Variants in PPP2R2C observed in about 807,000 individuals in gnomAD.
The protein encoded by PPP2R2C is protein phosphatase 2 regulatory subunit Bgamma.
PPP2R2C carries 10 observed loss-of-function variants against 45.3 expected under a neutral mutation model. That is an observed-to-expected ratio of 0.22 (90% CI 0.14 to 0.37). PPP2R2C has a LOEUF of 0.37. PPP2R2C is among the 10% of genes least tolerant of loss of function. The pLI is 1.00. For synonymous variants in PPP2R2C, 257 were observed against 245.4 expected (o/e 1.05, Z -0.44); for missense variants, 308 against 619.7 (o/e 0.50, Z 5.34).
chr4:6,321,637 A>C lies in PPP2R2C; in HGVS notation c.*1665T>G, dbSNP rs916121432. The C allele has an allele frequency of 6.1e-5, 9 of 147,788 alleles. No individual in the cohort carries two copies. 9.2% of individuals were successfully genotyped at this position (147,788 alleles called of 1,614,324 possible). A position where few individuals can be genotyped will look rare whatever the true frequency, so the allele number is the denominator to read the frequency against. ...CTGGGTCTGTTTCCTGGGTTATGTT[A>C]TATCTTGTAAAAAACAAAACAAAAC... On this transcript the variant is annotated 3_prime_UTR_variant, in exon 9 of 9. Coordinates refer to ENST00000382599, the MANE Select transcript of PPP2R2C (RefSeq NM_020416.4).
rs1158525075 is a variant in PPP2R2C, at chr4:6,337,102, A to ATGTGTGTGTGTGTG, written c.791-3372_791-3371insCACACACACACACA. On this transcript the variant is annotated intron_variant, in intron 6 of 8. Transcript: ENST00000382599. ...ATTAAATTGGCATCTTTGTTTCTGT[A>ATGTGTGTGTGTGTG]TGTGTGTGTGTATATATATATATAT... Among the ~76,000 whole-genome samples the ATGTGTGTGTGTGTG allele has an allele frequency of 2.1e-3, 80 of 37,278 alleles. 2 individuals carry two copies. Among genetic ancestry groups the ATGTGTGTGTGTGTG allele is most frequent in the African/African-American group, 9.5e-3 (78 of 8,214 alleles). 24.5% of individuals were successfully genotyped at this position (37,278 alleles called of 152,430 possible). A position where few individuals can be genotyped will look rare whatever the true frequency, so the allele number is the denominator to read the frequency against.
chr4:6,478,870 A>G (rs1170866197), intron 2 of PPP2R2C, among the ~76,000 whole-genome samples: 2 of 152,202 alleles, frequency 1.3e-5, no homozygotes, highest in East Asian at 1.9e-4. Flanking sequence ...GGAGCTGCAC[A>G]TGGCTGGCTT....
intron 1 of PPP2R2C, among the ~76,000 whole-genome samples, chr4:6,541,556 T>G (rs921503282): frequency 6.6e-6 from 1 of 152,050 alleles, no homozygotes; most frequent in Admixed American, 6.6e-5. Flanking sequence ...GTTTGTTTGT[T>G]TGTTTGGTGA....
chr4:6,549,516 C>T lies in PPP2R2C; in HGVS notation c.-59+14044G>A, dbSNP rs572471763. Reference sequence around the variant, plus strand: ...GTGAGGCCCTCAGGAGTGAAATGCCCCTCACCTGTGCCTTCCTGGGCACGA... The same window carrying T: ...GTGAGGCCCTCAGGAGTGAAATGCCTCTCACCTGTGCCTTCCTGGGCACGA... On this transcript the variant is annotated intron_variant, in intron 1 of 9. Transcript: ENST00000506140. Among the ~76,000 whole-genome samples, 19 of 152,310 alleles carry T rather than the reference C, an allele frequency of 1.2e-4. No homozygotes were observed. The East Asian group carries it at 2.9e-3, about 23-fold the overall frequency.
At position 6,364,620 on chromosome 4, in the gene PPP2R2C, C is replaced by T. The variant is rs1714115160; in HGVS notation, c.625+7903G>A. On this transcript the variant is annotated intron_variant, in intron 5 of 8. Coordinates refer to ENST00000382599, the MANE Select transcript of PPP2R2C (RefSeq NM_020416.4). This position sits in a 1 kb window ranked among gnomAD's most constrained non-coding sequence, Gnocchi z 5.3. ...GGCTTCCCAGATGTCATCGTAGCAC[C>T]CAGTCCTCAAGCAGCCGTATGGTGT... Among the ~76,000 whole-genome samples the T allele has an allele frequency of 6.6e-6, 1 of 152,152 alleles. No homozygotes were observed. Among genetic ancestry groups the T allele is most frequent in the South Asian group, 2.1e-4 (1 of 4,830 alleles).
chr4:6,457,207 C>CAA (rs34145628), intron 1 of PPP2R2C, among the ~76,000 whole-genome samples: 17 of 88,800 alleles, frequency 1.9e-4, no homozygotes, highest in African/African-American at 7.4e-4. Context: ...GACTCCATCT[C>CAA]AAAAAAAAAA....
rs78763169 is a variant in PPP2R2C at position 6,346,214 on chromosome 4, G to A, written c.790+1632C>T. On this transcript the variant is annotated intron_variant, in intron 6 of 8. Transcript: ENST00000382599. ...TGCTCCCCCGGGGACCCTCTGCGGC[G>A]TCTCCTCTTCCTCCTCAAGTCCCAA... 3.8e-3 allele frequency among the ~76,000 whole-genome samples: 585 copies of A among 152,210 alleles called. 3 individuals are homozygous for A. The highest frequency in any genetic ancestry group is 0.013 in the African/African-American group (533 of 41,528).
rs1731482265 is a variant in PPP2R2C at position 6,320,584 on chromosome 4, T to C, written c.*2718A>G. 1 of 152,642 alleles carries C rather than the reference T, an allele frequency of 6.6e-6. No homozygotes were observed. Among genetic ancestry groups the C allele is most frequent in the Non-Finnish European group, 1.5e-5 (1 of 68,054 alleles). 9.5% of individuals were successfully genotyped at this position (152,642 alleles called of 1,614,324 possible). A position where few individuals can be genotyped will look rare whatever the true frequency, so the allele number is the denominator to read the frequency against. On this transcript the variant is annotated 3_prime_UTR_variant, in exon 9 of 9. Transcript: ENST00000382599. ...ACAAACAGCATTCTGGACCTCGTTTTTGATGTAACATTTGTTATTTTATTG... is the reference window on the plus strand; with the variant it reads ...ACAAACAGCATTCTGGACCTCGTTTCTGATGTAACATTTGTTATTTTATTG...
chr4:6,431,679 T>G (rs1719630867), intron 1 of PPP2R2C, among the ~76,000 whole-genome samples: 1 of 152,042 alleles, frequency 6.6e-6, no homozygotes, highest in Non-Finnish European at 1.5e-5. Context: ...CCACTTATAC[T>G]CTAGTCCACA....
chr4:6,335,556 G>A (rs1732780933), intron 6 of PPP2R2C, among the ~76,000 whole-genome samples: 2 of 152,130 alleles, frequency 1.3e-5, no homozygotes, highest in South Asian at 4.1e-4. Flanking sequence ...TTAGGGAAAC[G>A]GGAGCCACTG....
intron 1 of PPP2R2C, among the ~76,000 whole-genome samples, chr4:6,414,301 G>A (rs4689001): frequency 0.68 from 103,605 of 151,882 alleles, 35,772 homozygotes; most frequent in Middle Eastern, 0.76. Flanking sequence ...ATGTACGAAA[G>A]GAACCAGTTC....
intron 5 of PPP2R2C, among the ~76,000 whole-genome samples, chr4:6,355,993 G>GAAAAAA (rs61011461): frequency 1.1e-4 from 11 of 97,880 alleles, no homozygotes; most frequent in Admixed American, 2.5e-4. Context: ...ACTCTGCCTG[G>GAAAAAA]AAAAAAAAAA....
chr4:6,346,788 G>A (rs1711989365), intron 6 of PPP2R2C, among the ~76,000 whole-genome samples: 1 of 152,184 alleles, frequency 6.6e-6, no homozygotes, highest in Non-Finnish European at 1.5e-5. Flanking sequence ...CACCCTAAGG[G>A]AACAGTGTGG....
At chr4:6,356,628 G>A (rs973408025) in intron 5 of PPP2R2C, among the ~76,000 whole-genome samples, 1 of 152,268 alleles carries the variant, frequency 6.6e-6, no homozygotes, top group Non-Finnish European at 1.5e-5. Flanking sequence ...TGAGGATGGG[G>A]TAAGGTAGTC....
chr4:6,440,902 T>C (rs1035282712), intron 1 of PPP2R2C, among the ~76,000 whole-genome samples: 17 of 151,952 alleles, frequency 1.1e-4, no homozygotes, highest in Non-Finnish European at 2.5e-4. Context: ...GGCCAGGACA[T>C]GAAGGAGGCC....
chr4:6,375,361 G>T (rs1454470573), intron 4 of PPP2R2C, among the ~76,000 whole-genome samples: 5 of 152,188 alleles, frequency 3.3e-5, no homozygotes, highest in African/African-American at 9.6e-5. Flanking sequence ...CTTTGTAGAT[G>T]CTGAAGGCCT....
Position 6,342,121 on chromosome 4 carries a change from CACACACAT to C in PPP2R2C, c.790+5717_790+5724del, listed in dbSNP as rs1359489129. Among the ~76,000 whole-genome samples the C allele has an allele frequency of 2.4e-3, 311 of 130,778 alleles. 1 individual carries two copies. The highest frequency in any genetic ancestry group is 0.01 in the African/African-American group (278 of 26,832). 85.8% of individuals were successfully genotyped at this position (130,778 alleles called of 152,430 possible). A position where few individuals can be genotyped will look rare whatever the true frequency, so the allele number is the denominator to read the frequency against. On this transcript the variant is annotated intron_variant, in intron 6 of 8. Coordinates refer to ENST00000382599, the MANE Select transcript of PPP2R2C (RefSeq NM_020416.4). ...ACACACACACACACACACACACACACACACACATACATATATATACATACATATATATA... is the reference window on the plus strand; with the variant it reads ...ACACACACACACACACACACACACACACATATATATACATACATATATATA...
At chr4:6,341,161 GC>G (rs1733411710) in intron 6 of PPP2R2C, among the ~76,000 whole-genome samples, 1 of 152,178 alleles carries the variant, frequency 6.6e-6, no homozygotes, top group African/African-American at 2.4e-5. Context: ...GGCCAACATG[GC>G]AAAACCTTGT....
chr4:6,375,957 G>C (rs371545425), intron 3 of PPP2R2C, 26 bp from the exon 4 acceptor site: 1 of 1,574,726 alleles, frequency 6.4e-7, no homozygotes, highest in South Asian at 1.1e-5. Context: ...AAAATAAAGC[G>C]AGTCACATAA....
Sources: allele counts gnomAD v4.1 joint callset (sites outside exome capture counted in the v4.1 genomes callset), GRCh38; gene constraint gnomAD v4.1.1; non-coding constraint Gnocchi (gnomAD v3.1); transcripts MANE v1.5; gene names NCBI Gene and HGNC (gene_info 2026-07-23, HGNC 2026-07-21).